INPP5A: variants seen among roughly 807,000 people sequenced by gnomAD.
The protein encoded by INPP5A is 43 kDa inositol polyphosphate 5-phophatase.
A neutral mutation model predicts 65.2 loss-of-function variants in INPP5A; 14 were observed. That is an observed-to-expected ratio of 0.21 (90% CI 0.14 to 0.34). The LOEUF is 0.34. INPP5A is among the 10% of genes least tolerant of loss of function. The pLI, the probability that INPP5A is intolerant of heterozygous loss-of-function variation, is 1.00. For missense variants in INPP5A, 431 were observed against 545.6 expected (o/e 0.79, Z 2.09); for synonymous variants, 207 against 208.3 (o/e 0.99, Z 0.05).
intron 8 of INPP5A, among the ~76,000 whole-genome samples, chr10:132,719,578 T>C (rs1564981564): frequency 6.8e-6 from 1 of 147,658 alleles, no homozygotes; most frequent in Non-Finnish European, 1.5e-5. Flanking sequence ...TAGACGGCTG[T>C]CTTGCGGGTT....
intron 2 of INPP5A, among the ~76,000 whole-genome samples, chr10:132,619,865 G>T (rs2072088163): frequency 2.0e-5 from 3 of 152,196 alleles, no homozygotes; most frequent in Non-Finnish European, 4.4e-5. Flanking sequence ...CACCATATTG[G>T]CCAGGCTTGT....
At chr10:132,653,181 G>A (rs994558546) in intron 4 of INPP5A, among the ~76,000 whole-genome samples, 42 of 152,230 alleles carry the variant, frequency 2.8e-4, no homozygotes, top group Non-Finnish European at 7.3e-5. Context: ...CTGGCGGAGG[G>A]GCAGCCGTCA....
Position 132,547,317 on chromosome 10 carries a change from C to G in INPP5A, c.75+9146C>G, listed in dbSNP as rs1564911574. On this transcript the variant is annotated intron_variant, in intron 1 of 15. Coordinates refer to ENST00000368594, the MANE Select transcript of INPP5A (RefSeq NM_005539.5). The surrounding 1 kb of genome is among the most constrained non-coding windows in gnomAD (Gnocchi z 5.5). Reference sequence around the variant, plus strand: ...GGGCTGAGTGAGGCGTTACTGCCATCAGGGGTCCCTGGAGGGGCTCTCTCC... The same window carrying G: ...GGGCTGAGTGAGGCGTTACTGCCATGAGGGGTCCCTGGAGGGGCTCTCTCC... Among the ~76,000 whole-genome samples the G allele has an allele frequency of 6.6e-6, 1 of 152,174 alleles. No individual in the cohort carries two copies. The highest frequency in any genetic ancestry group is 2.4e-5 in the African/African-American group (1 of 41,456).
intron 1 of INPP5A, among the ~76,000 whole-genome samples, chr10:132,559,187 GC>G (rs374169392): frequency 4.6e-5 from 7 of 152,326 alleles, no homozygotes; most frequent in African/African-American, 1.7e-4. Flanking sequence ...GCCGCTCGGG[GC>G]CGTCGGTGGC....
At chr10:132,666,565 T>C (rs552993066) in intron 4 of INPP5A, among the ~76,000 whole-genome samples, 27 of 152,348 alleles carry the variant, frequency 1.8e-4, no homozygotes, top group Non-Finnish European at 3.5e-4. Flanking sequence ...ATCCCGAGGC[T>C]GCCGACTTTG....
chr10:132,761,005 G>A lies in INPP5A; in HGVS notation c.904-4768G>A, dbSNP rs147056735. ...GGAATTTCAGAAAGAGTTTGCATCC[G>A]CATAATATAAATACACACTTGGCAA... On this transcript the variant is annotated intron_variant, in intron 11 of 15. Coordinates refer to ENST00000368594, the MANE Select transcript of INPP5A (RefSeq NM_005539.5). 1.2e-4 allele frequency among the ~76,000 whole-genome samples: 19 copies of A among 152,338 alleles called. No individual in the cohort carries two copies. In the East Asian group the frequency reaches 3.3e-3, roughly 26 times the overall value.
At chr10:132,618,492 C>T (rs2072070639) in intron 2 of INPP5A, among the ~76,000 whole-genome samples, 1 of 152,202 alleles carries the variant, frequency 6.6e-6, no homozygotes, top group African/African-American at 2.4e-5. Flanking sequence ...CATTATTGCT[C>T]ATTTTAAAGT....
intron 6 of INPP5A, among the ~76,000 whole-genome samples, chr10:132,701,594 C>T (rs1845438569): frequency 6.6e-6 from 1 of 152,284 alleles, no homozygotes; most frequent in Non-Finnish European, 1.5e-5. Flanking sequence ...CCGTCTCTGC[C>T]TCCCAGCACT....
intron 4 of INPP5A, among the ~76,000 whole-genome samples, chr10:132,673,006 C>A (rs938363519): frequency 3.3e-5 from 5 of 152,230 alleles, no homozygotes; most frequent in African/African-American, 1.2e-4. Context: ...TGACCTTAAT[C>A]ACAAGGCATG....
chr10:132,747,137 G>A (rs1373670384), intron 9 of INPP5A, among the ~76,000 whole-genome samples: 1 of 152,268 alleles, frequency 6.6e-6, no homozygotes, highest in Non-Finnish European at 1.5e-5. Flanking sequence ...ATGGCCGTCT[G>A]CCTGCCAAGC....
chr10:132,724,160 G>T (rs1845943606), intron 8 of INPP5A, among the ~76,000 whole-genome samples: 1 of 152,126 alleles, frequency 6.6e-6, no homozygotes, highest in Non-Finnish European at 1.5e-5. Flanking sequence ...AAGCATGCAG[G>T]AATTGATTTT....
chr10:132,565,233 C>G (rs745652942), intron 1 of INPP5A, among the ~76,000 whole-genome samples: 9 of 152,180 alleles, frequency 5.9e-5, no homozygotes, highest in African/African-American at 2.2e-4. Context: ...CCTCAGTCTC[C>G]CTGAGTGCTG....
chr10:132,721,106 C>G (rs1249035617), intron 8 of INPP5A, among the ~76,000 whole-genome samples: 1 of 148,666 alleles, frequency 6.7e-6, no homozygotes. Flanking sequence ...CTGGAGGAGC[C>G]TTAGACGACT....
At chr10:132,617,128 G>A (rs2072046405) in intron 2 of INPP5A, among the ~76,000 whole-genome samples, 1 of 152,154 alleles carries the variant, frequency 6.6e-6, no homozygotes, top group Admixed American at 6.5e-5. Flanking sequence ...CCGCGCCCTG[G>A]TTGGTGGCTG....
chr10:132,745,650 CGGGTGTGGTGGCCCT>C (rs1227853755), intron 9 of INPP5A, among the ~76,000 whole-genome samples: 1 of 142,818 alleles, frequency 7.0e-6, no homozygotes, highest in Admixed American at 6.9e-5. Flanking sequence ...GTGGTGGCCT[CGGGTGTGGTGGCCCT>C]GGGCATGGTG....
Position 132,753,259 on chromosome 10 carries a change from G to T in INPP5A, c.903+3414G>T, listed in dbSNP as rs1009087610. Among the ~76,000 whole-genome samples, 36 of 152,268 alleles carry T rather than the reference G, an allele frequency of 2.4e-4. No homozygotes were observed. Among genetic ancestry groups the T allele is most frequent in the Middle Eastern group, 3.4e-3 (1 of 292 alleles). ...CGGAGGGTCAAGGTGGTCGGACGGGGAGCCTGGGGAGATAATCCCATCTCC... is the reference window on the plus strand; with the variant it reads ...CGGAGGGTCAAGGTGGTCGGACGGGTAGCCTGGGGAGATAATCCCATCTCC... On this transcript the variant is annotated intron_variant, in intron 11 of 15. Coordinates refer to ENST00000368594, the MANE Select transcript of INPP5A (RefSeq NM_005539.5). This position sits in a 1 kb window ranked among gnomAD's most constrained non-coding sequence, Gnocchi z 5.3.
intron 4 of INPP5A, among the ~76,000 whole-genome samples, chr10:132,664,502 T>A (rs2072777639): frequency 6.6e-6 from 1 of 152,202 alleles, no homozygotes; most frequent in South Asian, 2.1e-4. Context: ...GGGAACATCG[T>A]GTTTTTCAGT....
At chr10:132,759,734 G>A (rs541642742) in intron 11 of INPP5A, among the ~76,000 whole-genome samples, 4 of 151,870 alleles carry the variant, frequency 2.6e-5, no homozygotes, top group South Asian at 2.1e-4. Context: ...AGCCCCGGCC[G>A]TAAGCATCAG....
At chr10:132,571,160 A>G (rs2071336799) in intron 1 of INPP5A, among the ~76,000 whole-genome samples, 1 of 152,254 alleles carries the variant, frequency 6.6e-6, no homozygotes, top group Non-Finnish European at 1.5e-5. Context: ...TGGCCCTGAC[A>G]GCAGCTACCT....
Sources: gnomAD v4.1 joint callset for allele counts (sites outside exome capture counted in the v4.1 genomes callset) on GRCh38, gnomAD v4.1.1 for gene constraint, Gnocchi (gnomAD v3.1) non-coding constraint, MANE v1.5 for transcripts, NCBI Gene and HGNC (gene_info 2026-07-23, HGNC 2026-07-21) for gene names.